The following GFRA1 variants were observed in gnomAD, a reference collection of about 807,000 sequenced individuals.
The protein encoded by GFRA1 is GDNF family receptor alpha-1.
In GFRA1, 16 loss-of-function variants were observed where a neutral mutation model predicts 51.6. The ratio of observed to expected loss-of-function variants is 0.31; its 90% CI spans 0.21 to 0.47. GFRA1 has a LOEUF of 0.47. Ranked by LOEUF, GFRA1 falls within the 20% of genes least tolerant of loss-of-function variation. The pLI is 1.00. For synonymous variants in GFRA1, 270 were observed against 241.3 expected (o/e 1.12, Z -1.10); for missense variants, 530 against 594.3 (o/e 0.89, Z 1.13).
intron 5 of GFRA1, among the ~76,000 whole-genome samples, chr10:116,195,452 C>T (rs751301788): frequency 2.6e-5 from 4 of 152,194 alleles, no homozygotes; most frequent in Non-Finnish European, 5.9e-5. Context: ...AAGGATGAAA[C>T]TATTCCACCT....
chr10:116,092,114 C>CACACA (rs1555147081), intron 8 of GFRA1, among the ~76,000 whole-genome samples: 4 of 150,864 alleles, frequency 2.7e-5, no homozygotes, highest in Non-Finnish European at 4.4e-5. Flanking sequence ...CACACACACA[C>CACACA]ACACACACAC....
At chr10:116,206,998 C>G (rs963526563) in intron 5 of GFRA1, among the ~76,000 whole-genome samples, 74 of 152,326 alleles carry the variant, frequency 4.9e-4, no homozygotes, top group African/African-American at 1.7e-3. Context: ...CCCAGGTTAT[C>G]TAGTGCATAG....
At chr10:116,143,322 T>A (rs533082938) in intron 5 of GFRA1, among the ~76,000 whole-genome samples, 1 of 125,510 alleles carries the variant, frequency 8.0e-6, no homozygotes, top group Admixed American at 9.3e-5. Context: ...GTCAGTTCAA[T>A]TTTTTTTTAA....
chr10:116,271,284 C>T (rs1843912659), intron 2 of GFRA1, among the ~76,000 whole-genome samples, 169 bp from the exon 3 acceptor site: 2 of 152,142 alleles, frequency 1.3e-5, no homozygotes, highest in Non-Finnish European at 2.9e-5. Flanking sequence ...TTTTCCCGCC[C>T]CCTGGAATTC....
chr10:116,155,759 C>A (rs535021638), intron 5 of GFRA1, among the ~76,000 whole-genome samples: 22 of 152,286 alleles, frequency 1.4e-4, no homozygotes, highest in African/African-American at 5.3e-4. Context: ...CAGCCCCTCT[C>A]TGTGCCACCA....
intron 5 of GFRA1, among the ~76,000 whole-genome samples, chr10:116,208,224 A>G (rs75160270): frequency 0.013 from 2,031 of 151,960 alleles, 17 homozygotes; most frequent in Middle Eastern, 0.038. Context: ...CCTACTTGTC[A>G]TTCTCTGGCC....
intron 5 of GFRA1, among the ~76,000 whole-genome samples, chr10:116,205,488 T>C (rs1405261382): frequency 1.3e-5 from 2 of 150,818 alleles, no homozygotes; most frequent in African/African-American, 4.9e-5. Context: ...GGCAGGAGAA[T>C]CACTTCAACC....
At position 116,199,987 on chromosome 10, in the gene GFRA1, C is replaced by T. The variant is rs565898533; in HGVS notation, c.433+11644G>A. On this transcript the variant is annotated intron_variant, in intron 5 of 10. Coordinates refer to ENST00000355422, the MANE Select transcript of GFRA1 (RefSeq NM_005264.8). ...CCATATAGAATGTTGCCCTCTTTTGCGAAGGACTGCCTTCACTCAGTGTAA... is the reference window on the plus strand; with the variant it reads ...CCATATAGAATGTTGCCCTCTTTTGTGAAGGACTGCCTTCACTCAGTGTAA... Among the ~76,000 whole-genome samples, 95 of 152,270 alleles carry T rather than the reference C, an allele frequency of 6.2e-4. 3 individuals carry two copies. The South Asian group carries it at 0.018, about 29-fold the overall frequency.
At chr10:116,257,448 C>T (rs1968959795) in intron 4 of GFRA1, among the ~76,000 whole-genome samples, 1 of 152,144 alleles carries the variant, frequency 6.6e-6, no homozygotes, top group Admixed American at 6.5e-5. Context: ...GCTTTCTCCT[C>T]AAGAAGGTGC....
chr10:116,175,997 T>C (rs1391351388), intron 5 of GFRA1, among the ~76,000 whole-genome samples: 1 of 152,170 alleles, frequency 6.6e-6, no homozygotes. Flanking sequence ...TAATGTCTGA[T>C]GCAGGCTGAT....
At chr10:116,148,646 A>G (rs1360956892) in intron 5 of GFRA1, among the ~76,000 whole-genome samples, 1 of 152,184 alleles carries the variant, frequency 6.6e-6, no homozygotes, top group East Asian at 1.9e-4. Context: ...CACGCTCAAA[A>G]GATTGTTCCA....
At chr10:116,100,689 G>A (rs117233221) in intron 6 of GFRA1, among the ~76,000 whole-genome samples, 24 of 152,222 alleles carry the variant, frequency 1.6e-4, no homozygotes, top group Middle Eastern at 6.8e-3. Flanking sequence ...ACCATTGTTC[G>A]GCAAAGATAT....
chr10:116,106,773 G>A lies in GFRA1; in HGVS notation c.771-10009C>T, dbSNP rs187210027. Among the ~76,000 whole-genome samples, 434 of 152,178 alleles carry A rather than the reference G, an allele frequency of 2.9e-3. 2 individuals carry two copies. Among genetic ancestry groups the A allele is most frequent in the African/African-American group, 0.01 (418 of 41,516 alleles). On this transcript the variant is annotated intron_variant, in intron 6 of 10. Transcript: ENST00000355422. ...GGACATCCCCTCCAAATCTCATGTT[G>A]AGATGGAACTCCCAGTGTTGGAGGT...
At chr10:116,095,605 T>C (rs1956536577) in intron 7 of GFRA1, among the ~76,000 whole-genome samples, 1 of 152,180 alleles carries the variant, frequency 6.6e-6, no homozygotes, top group South Asian at 2.1e-4. Flanking sequence ...GCAGGGCAGG[T>C]ATCCTTCCAA....
At chr10:116,179,269 G>GT (rs1209219594) in intron 5 of GFRA1, among the ~76,000 whole-genome samples, 1 of 152,128 alleles carries the variant, frequency 6.6e-6, no homozygotes, top group Admixed American at 6.5e-5. Context: ...ACCCTACGAG[G>GT]TAAGTACTTT....
intron 3 of GFRA1, among the ~76,000 whole-genome samples, chr10:116,270,370 C>T (rs1843804033): frequency 6.6e-6 from 1 of 152,182 alleles, no homozygotes; most frequent in Non-Finnish European, 1.5e-5. Context: ...TCTCCTGGAC[C>T]TTTTACAATA....
chr10:116,081,818 CTTT>C (rs1428917246), intron 9 of GFRA1, among the ~76,000 whole-genome samples: 1 of 152,084 alleles, frequency 6.6e-6, no homozygotes, highest in Admixed American at 6.5e-5. Flanking sequence ...AGCACGCAAA[CTTT>C]TTTATGGTTT....
chr10:116,130,757 T>C (rs1565597890), intron 5 of GFRA1, among the ~76,000 whole-genome samples: 1 of 152,068 alleles, frequency 6.6e-6, no homozygotes, highest in African/African-American at 2.4e-5. Context: ...AATCCCTACT[T>C]CATACCATAC....
chr10:116,242,931 A>G (rs1180211953), intron 4 of GFRA1, among the ~76,000 whole-genome samples: 1 of 152,240 alleles, frequency 6.6e-6, no homozygotes, highest in Non-Finnish European at 1.5e-5. Flanking sequence ...TGAAATTCCT[A>G]CAACAGTCAA....
Sources: allele counts gnomAD v4.1 joint callset (sites outside exome capture counted in the v4.1 genomes callset), GRCh38; gene constraint gnomAD v4.1.1; transcripts MANE v1.5; gene names NCBI Gene and HGNC (gene_info 2026-07-23, HGNC 2026-07-21).